The following NUGGC variants were observed in gnomAD, a reference collection of about 807,000 sequenced individuals.
NUGGC encodes nuclear GTPase, germinal center associated.
NUGGC carries 58 observed loss-of-function variants against 92.6 expected under a neutral mutation model. That is an observed-to-expected ratio of 0.63 (90% CI 0.51 to 0.78). NUGGC has a LOEUF of 0.78. NUGGC is among the 30% of genes least tolerant of loss of function. The probability of loss-of-function intolerance (pLI) is 0.00; values close to 1 mark genes in which losing one functional copy is unlikely to be tolerated. For synonymous variants in NUGGC, 376 were observed against 366.4 expected, an observed-to-expected ratio of 1.03 and a Z score of -0.30; for missense variants, 925 against 964.6, an observed-to-expected ratio of 0.96 and a Z score of 0.54.
intron 4 of NUGGC, 112 bp from the exon 5 acceptor site, chr8:28,068,550 T>C: frequency 1.4e-6 from 1 of 697,486 alleles, no homozygotes; most frequent in Non-Finnish European, 2.5e-6. Context: ...CACTACAACC[T>C]GAGTCTCTGT....
At chr8:28,028,369 G>A (rs560433719) in intron 17 of NUGGC, among the ~76,000 whole-genome samples, 1 of 152,352 alleles carries the variant, frequency 6.6e-6, no homozygotes, top group South Asian at 2.1e-4. Context: ...GGAATTACAT[G>A]CTTTGAATTG....
chr8:28,071,692 T>C (rs966529790), intron 2 of NUGGC, among the ~76,000 whole-genome samples: 1 of 152,138 alleles, frequency 6.6e-6, no homozygotes, highest in Non-Finnish European at 1.5e-5. Context: ...GTGTTTTAGA[T>C]GGATTTTAGA....
chr8:28,040,203 T>TC (rs1809656997), intron 13 of NUGGC, among the ~76,000 whole-genome samples: 1 of 152,218 alleles, frequency 6.6e-6, no homozygotes, highest in Non-Finnish European at 1.5e-5. Flanking sequence ...ACAATAGGCC[T>TC]CTTTTTTCAC....
intron 6 of NUGGC, among the ~76,000 whole-genome samples, chr8:28,065,497 T>C (rs912520161): frequency 1.3e-5 from 2 of 152,182 alleles, no homozygotes; most frequent in Non-Finnish European, 2.9e-5. Flanking sequence ...AAATTTATCT[T>C]CTGATTACAA....
At chr8:28,064,102 C>T (rs571590628) in intron 7 of NUGGC, among the ~76,000 whole-genome samples, 10 of 152,322 alleles carry the variant, frequency 6.6e-5, no homozygotes, top group Middle Eastern at 3.4e-3. Flanking sequence ...GCCCCCACCA[C>T]GCCAGCTTCC....
intron 1 of NUGGC, among the ~76,000 whole-genome samples, chr8:28,075,386 T>G (rs1419906865): frequency 6.6e-6 from 1 of 152,092 alleles, no homozygotes; most frequent in Admixed American, 6.5e-5. Flanking sequence ...CACCAGCAGA[T>G]AGGGCTTGGA....
At chr8:28,060,691 C>T (rs1427302659) in intron 7 of NUGGC, 90 bp from the exon 8 acceptor site, 3 of 1,171,808 alleles carry the variant, frequency 2.6e-6, no homozygotes, top group African/African-American at 3.1e-5. Context: ...TAAGCCTCTC[C>T]CTCCAGTCCC....
chr8:28,059,077 G>C (rs1810225623), intron 8 of NUGGC, among the ~76,000 whole-genome samples: 1 of 152,126 alleles, frequency 6.6e-6, no homozygotes, highest in African/African-American at 2.4e-5. Flanking sequence ...GAGATGGGGA[G>C]AAATGCAGGA....
In NUGGC at chr8:28,024,725, G is replaced by A. The variant is rs375022229; in HGVS notation, c.2246-1263C>T. ...CATGAGCAGAGGGGAGTTAGGACCC[G>A]GAGTCTTTTTGTTCTGTCCCATATC... On this transcript the variant is annotated intron_variant, in intron 18 of 18. Transcript: ENST00000413272. Among the ~76,000 whole-genome samples, 30 of 152,188 alleles carry A rather than the reference G, an allele frequency of 2.0e-4. No individual in the cohort carries two copies. The South Asian group carries it at 3.3e-3, about 17-fold the overall frequency.
chr8:28,028,412 G>A (rs1271809136), intron 17 of NUGGC, among the ~76,000 whole-genome samples: 4 of 152,196 alleles, frequency 2.6e-5, no homozygotes, highest in East Asian at 3.8e-4. Flanking sequence ...CTGCAGTCCC[G>A]GTGGAGGAGA....
intron 3 of NUGGC, 36 bp downstream of exon 3, chr8:28,070,216 C>T (rs550950657): frequency 3.8e-5 from 58 of 1,520,236 alleles, no homozygotes; most frequent in Admixed American, 1.9e-4. Flanking sequence ...GGAACAGAAC[C>T]GAACCATGTT....
chr8:28,065,989 C>T (rs1189639368), intron 6 of NUGGC, among the ~76,000 whole-genome samples: 1 of 84,894 alleles, frequency 1.2e-5, no homozygotes, highest in Non-Finnish European at 2.3e-5. Flanking sequence ...GGGCAAACAT[C>T]GTTGTAGAAG....
intron 10 of NUGGC, among the ~76,000 whole-genome samples, chr8:28,052,048 G>A (rs867700463): frequency 1.3e-5 from 2 of 152,124 alleles, no homozygotes; most frequent in Non-Finnish European, 2.9e-5. Flanking sequence ...AGAAAGCCTC[G>A]TTACTATAGG....
At chr8:28,043,715 C>T (rs114190628) in intron 12 of NUGGC, among the ~76,000 whole-genome samples, 2,253 of 152,288 alleles carry the variant, frequency 0.015, 62 homozygotes, top group African/African-American at 0.052. Context: ...TGGCAAAATG[C>T]CTTGTCCTAA....
intron 7 of NUGGC, among the ~76,000 whole-genome samples, chr8:28,061,749 G>A (rs1340249806): frequency 6.6e-6 from 1 of 152,108 alleles, no homozygotes; most frequent in Non-Finnish European, 1.5e-5. Flanking sequence ...TCTGTATTTG[G>A]CAAAAAATGT....
At position 28,022,298 on chromosome 8, in the gene NUGGC, A is replaced by G. The variant is rs1328798495; in HGVS notation, c.*1019T>C. 6.6e-6 allele frequency: 1 copy of G among 150,578 alleles called. No homozygotes were observed. The highest frequency in any genetic ancestry group is 2.4e-5 in the African/African-American group (1 of 41,134). 9.3% of individuals were successfully genotyped at this position (150,578 alleles called of 1,614,324 possible). A position where few individuals can be genotyped will look rare whatever the true frequency, so the allele number is the denominator to read the frequency against. On this transcript the variant is annotated 3_prime_UTR_variant, in exon 19 of 19. Transcript: ENST00000413272. The stretch of plus-strand genomic sequence containing the variant: ...CTCAGCCTCCCAAGTAGCTGGGACT[A>G]TAGGCACATGCTACCACGCCTGGCT...
In NUGGC at chr8:28,069,604, T is replaced by A; in HGVS notation, c.197A>T (p.Gln66Leu). The A allele has an allele frequency of 1.2e-6, 2 of 1,612,552 alleles. No homozygotes were observed. The highest frequency in any genetic ancestry group is 1.7e-6 in the Non-Finnish European group (2 of 1,178,558). The change falls in exon 4 of 19, where the codon CAG becomes CTG. Residue 66 changes from glutamine to leucine, a missense_variant. By Grantham distance (113) the Gln-to-Leu change is moderately radical. Transcript: ENST00000413272. ...RTRRVLSNTYQKLIQSVFLDD... is the reference protein window; with the variant it reads ...RTRRVLSNTYLKLIQSVFLDD... The stretch of plus-strand genomic sequence containing the variant: ...CAGGAAGACAGACTGAATAAGTTTC[T>A]GATAAGTGTTGCTCAAAACCCTTCT...
intron 6 of NUGGC, 96 bp from the exon 7 acceptor site, chr8:28,064,827 T>A: frequency 1.9e-6 from 2 of 1,049,290 alleles, no homozygotes; most frequent in Non-Finnish European, 2.9e-6. Context: ...GTATGCTGAG[T>A]AAGGGTAAGA....
chr8:28,026,912 C>G, intron 18 of NUGGC, 50 bp downstream of exon 18: 1 of 1,266,968 alleles, frequency 7.9e-7, no homozygotes, highest in Middle Eastern at 1.8e-4. Context: ...GTAACCACAG[C>G]CAGGGCTGTC....
Sources: allele counts gnomAD v4.1 joint callset (sites outside exome capture counted in the v4.1 genomes callset), GRCh38; gene constraint gnomAD v4.1.1; transcripts MANE v1.5; gene names NCBI Gene and HGNC (gene_info 2026-07-23, HGNC 2026-07-21).